NLK: variants seen among roughly 807,000 people sequenced by gnomAD.
NLK encodes the protein serine/threonine-protein kinase NLK.
A neutral mutation model predicts 59.0 loss-of-function variants in NLK; 11 were observed. The ratio of observed to expected loss-of-function variants is 0.19; its 90% confidence interval spans 0.12 to 0.31. The LOEUF (loss-of-function observed/expected upper bound fraction) is 0.31, where lower values mean the gene tolerates loss of function less well. Ranked by LOEUF, NLK falls within the 10% of genes least tolerant of loss-of-function variation. NLK has a pLI of 1.00. For synonymous variants in NLK, 235 were observed against 235.9 expected (o/e 1.00, Z 0.03); for missense variants, 410 against 661.1 (o/e 0.62, Z 4.16).
chr17:28,128,526 A>C (rs923999061), intron 2 of NLK, among the ~76,000 whole-genome samples: 1 of 152,170 alleles, frequency 6.6e-6, no homozygotes, highest in African/African-American at 2.4e-5. Flanking sequence ...CTTAATGAAA[A>C]ATTTCACGAA....
At chr17:28,131,343 G>A (rs1265196758) in intron 2 of NLK, among the ~76,000 whole-genome samples, 1 of 151,604 alleles carries the variant, frequency 6.6e-6, no homozygotes, top group Non-Finnish European at 1.5e-5. Flanking sequence ...CTGGATATTT[G>A]ATGATATTTT....
chr17:28,076,709 G>T (rs1431574767), intron 1 of NLK, among the ~76,000 whole-genome samples: 3 of 152,122 alleles, frequency 2.0e-5, no homozygotes, highest in Non-Finnish European at 4.4e-5. Context: ...TATTAAATTG[G>T]TATGTGAATA....
chr17:28,204,369 G>A, the NLK span, among the ~76,000 whole-genome samples: 1 of 152,226 alleles, frequency 6.6e-6, no homozygotes, highest in Non-Finnish European at 1.5e-5. Context: ...AACCTGCATG[G>A]TGTATGATGG....
intron 10 of NLK, among the ~76,000 whole-genome samples, chr17:28,192,895 A>T (rs1909358136): frequency 6.6e-6 from 1 of 152,124 alleles, no homozygotes. Context: ...CAAGAAAATA[A>T]TTTTTTTGTG....
chr17:28,177,288 T>C (rs1246310550), intron 7 of NLK, among the ~76,000 whole-genome samples: 4 of 152,206 alleles, frequency 2.6e-5, no homozygotes, highest in Admixed American at 6.5e-5. Flanking sequence ...TGTATACATA[T>C]ACAGAAGGAG....
chr17:28,193,503 AAATGCCCT>A (rs1229071453), intron 10 of NLK, among the ~76,000 whole-genome samples: 1 of 152,208 alleles, frequency 6.6e-6, no homozygotes, highest in East Asian at 1.9e-4. Context: ...ACAGCCTTGC[AAATGCCCT>A]TCCAGCACCC....
At chr17:28,078,856 C>T (rs2142764027) in intron 1 of NLK, among the ~76,000 whole-genome samples, 1 of 152,268 alleles carries the variant, frequency 6.6e-6, no homozygotes, top group Non-Finnish European at 1.5e-5. Context: ...CTTAGCCTCC[C>T]TTCTCAGATT....
chr17:28,066,282 T>C (rs1567704106), intron 1 of NLK, among the ~76,000 whole-genome samples: 7 of 152,230 alleles, frequency 4.6e-5, no homozygotes. Flanking sequence ...TGTCCATCAC[T>C]GTCTCTGCCT....
At chr17:28,156,645 A>G (rs1907751543) in intron 3 of NLK, among the ~76,000 whole-genome samples, 1 of 152,146 alleles carries the variant, frequency 6.6e-6, no homozygotes, top group African/African-American at 2.4e-5. Context: ...TGTTTAGTAG[A>G]TTGCTTCTTC....
At chr17:28,081,598 G>A (rs1389383069) in intron 1 of NLK, among the ~76,000 whole-genome samples, 3 of 152,128 alleles carry the variant, frequency 2.0e-5, no homozygotes, top group Non-Finnish European at 4.4e-5. Context: ...GGGCAAGATT[G>A]ACTAAAAGCT....
chr17:28,095,291 G>T (rs1175705043), intron 1 of NLK, among the ~76,000 whole-genome samples: 1 of 152,104 alleles, frequency 6.6e-6, no homozygotes, highest in Non-Finnish European at 1.5e-5. Flanking sequence ...AGCTGGGAGG[G>T]TAGTCAACTT....
At chr17:28,049,557 C>G (rs1238599826) in intron 1 of NLK, among the ~76,000 whole-genome samples, 1 of 152,092 alleles carries the variant, frequency 6.6e-6, no homozygotes, top group African/African-American at 2.4e-5. Flanking sequence ...GTTTAAGTCA[C>G]CATATTGCTT....
At chr17:28,201,228 G>A (rs1206541884), downstream of NLK, among the ~76,000 whole-genome samples, 1 of 151,878 alleles carries the variant, frequency 6.6e-6, no homozygotes, top group Non-Finnish European at 1.5e-5. Context: ...TTACAAACAT[G>A]TGCCACCACA....
intron 7 of NLK, among the ~76,000 whole-genome samples, chr17:28,174,815 T>G (rs896744631): frequency 1.3e-5 from 2 of 152,042 alleles, no homozygotes; most frequent in African/African-American, 4.8e-5. Flanking sequence ...AGATTCTACC[T>G]TTTCACTTCC....
At chr17:28,181,243 C>CA (rs1014048559) in intron 7 of NLK, among the ~76,000 whole-genome samples, 17 of 151,890 alleles carry the variant, frequency 1.1e-4, no homozygotes, top group African/African-American at 3.4e-4. Flanking sequence ...ACTAAAAATA[C>CA]AAAAAAATTA....
intron 1 of NLK, among the ~76,000 whole-genome samples, chr17:28,066,143 T>C (rs1909815268): frequency 6.6e-6 from 1 of 152,208 alleles, no homozygotes; most frequent in Non-Finnish European, 1.5e-5. Flanking sequence ...GTTCAACCTC[T>C]GCCCCTCTCC....
At chr17:28,121,391 GA>G (rs11308814) in intron 1 of NLK, among the ~76,000 whole-genome samples, 80,788 of 141,200 alleles carry the variant, frequency 0.57, 22,527 homozygotes, top group East Asian at 0.66. Flanking sequence ...TAGAAGGGGG[GA>G]AAAAAAAAAA....
At chr17:28,151,500 G>A (rs933195924) in intron 3 of NLK, among the ~76,000 whole-genome samples, 9 of 152,110 alleles carry the variant, frequency 5.9e-5, no homozygotes, top group African/African-American at 1.4e-4. Context: ...TTGACAAAAC[G>A]TATTCTCTGC....
At chr17:28,149,300 GC>G (rs554324181) in intron 3 of NLK, among the ~76,000 whole-genome samples, 99 of 152,300 alleles carry the variant, frequency 6.5e-4, no homozygotes, top group African/African-American at 2.3e-3. Context: ...CTGGCCGTAA[GC>G]AATCTTCCTG....
Sources: allele counts gnomAD v4.1 joint callset (sites outside exome capture counted in the v4.1 genomes callset), GRCh38; gene constraint gnomAD v4.1.1; transcripts MANE v1.5; gene names NCBI Gene and HGNC (gene_info 2026-07-23, HGNC 2026-07-21).